The following FAM78B variants were observed in gnomAD, a reference collection of about 807,000 sequenced individuals.
FAM78B encodes protein FAM78B.
Under a neutral mutation model 20.0 loss-of-function variants are expected in FAM78B, and 10 were observed. The ratio of observed to expected loss-of-function variants is 0.50; its 90% CI spans 0.31 to 0.85. The LOEUF (loss-of-function observed/expected upper bound fraction) is 0.85, where lower values mean the gene tolerates loss of function less well. Ranked by LOEUF, FAM78B falls within the 40% of genes least tolerant of loss-of-function variation. The pLI is 0.05. For synonymous variants in FAM78B, 135 were observed against 132.8 expected (o/e 1.02, Z -0.12); for missense variants, 283 against 345.0 (o/e 0.82, Z 1.42).
At chr1:166,144,627 T>G (rs1655395544) in intron 1 of FAM78B, among the ~76,000 whole-genome samples, 1 of 152,154 alleles carries the variant, frequency 6.6e-6, no homozygotes, top group South Asian at 2.1e-4. Context: ...AGGTCCCCAT[T>G]CATCTTAAAC....
intron 1 of FAM78B, among the ~76,000 whole-genome samples, chr1:166,071,612 T>C (rs1404802862): frequency 6.6e-6 from 1 of 152,266 alleles, no homozygotes; most frequent in African/African-American, 2.4e-5. Context: ...GTTACTCTAT[T>C]ACAACCATTG....
chr1:166,109,920 A>G (rs1571171463), intron 1 of FAM78B, among the ~76,000 whole-genome samples: 1 of 108,364 alleles, frequency 9.2e-6, no homozygotes, highest in Admixed American at 9.6e-5. Context: ...ATATATATAT[A>G]ATGGAATACT....
chr1:166,153,800 C>A (rs931863082), intron 1 of FAM78B, among the ~76,000 whole-genome samples: 1 of 152,032 alleles, frequency 6.6e-6, no homozygotes, highest in Non-Finnish European at 1.5e-5. Context: ...GCAGGATGCT[C>A]GGAGGTATAT....
intron 1 of FAM78B, among the ~76,000 whole-genome samples, chr1:166,073,203 A>T (rs932809639): frequency 6.6e-6 from 1 of 152,222 alleles, no homozygotes; most frequent in Admixed American, 6.5e-5. Context: ...ACATCTGGCC[A>T]CATGTAGTCA....
At chr1:166,088,200 C>T (rs546793363) in intron 1 of FAM78B, among the ~76,000 whole-genome samples, 1 of 152,312 alleles carries the variant, frequency 6.6e-6, no homozygotes, top group Admixed American at 6.5e-5. Context: ...AGCTATGCAA[C>T]AGAGGCCTCT....
intron 1 of FAM78B, among the ~76,000 whole-genome samples, chr1:166,102,232 C>T (rs531690593): frequency 2.6e-5 from 4 of 152,224 alleles, no homozygotes; most frequent in African/African-American, 7.2e-5. Context: ...AAGGAACAAC[C>T]GGTAACAGCC....
intron 1 of FAM78B, among the ~76,000 whole-genome samples, chr1:166,092,888 T>C (rs1182432504): frequency 6.6e-6 from 1 of 152,180 alleles, no homozygotes; most frequent in Middle Eastern, 3.2e-3. Flanking sequence ...CCCAACAATG[T>C]TGGTTAGGTG....
At chr1:166,083,754 G>A (rs900832120) in intron 1 of FAM78B, among the ~76,000 whole-genome samples, 5 of 147,698 alleles carry the variant, frequency 3.4e-5, no homozygotes, top group African/African-American at 1.3e-4. Flanking sequence ...CGTCTGCCTC[G>A]GCCTCCCAAA....
At chr1:166,108,016 G>A (rs1057494739) in intron 1 of FAM78B, among the ~76,000 whole-genome samples, 2 of 152,076 alleles carry the variant, frequency 1.3e-5, no homozygotes, top group East Asian at 1.9e-4. Context: ...AACCATCTAC[G>A]ACAAACCCAC....
At chr1:166,156,596 C>T (rs1655905127) in intron 1 of FAM78B, among the ~76,000 whole-genome samples, 1 of 152,198 alleles carries the variant, frequency 6.6e-6, no homozygotes, top group Non-Finnish European at 1.5e-5. Context: ...CTACATGTTT[C>T]ATGATTATTG....
At chr1:166,061,320 G>C (rs995770286) in intron 2 of FAM78B, among the ~76,000 whole-genome samples, 2 of 152,134 alleles carry the variant, frequency 1.3e-5, no homozygotes, top group Non-Finnish European at 2.9e-5. Flanking sequence ...CAAGCATCAG[G>C]CATCCTTCTC....
chr1:166,060,429 C>G, exon 3 of FAM78B: 1 of 415,068 alleles, frequency 2.4e-6, no homozygotes. Flanking sequence ...ATGGGCCAAG[C>G]AGGCAGCCCA....
chr1:166,143,503 A>G (rs997974297), intron 1 of FAM78B, among the ~76,000 whole-genome samples: 2 of 152,152 alleles, frequency 1.3e-5, no homozygotes, highest in Admixed American at 1.3e-4. Flanking sequence ...TTACTTGCTA[A>G]GGCGTGTAAA....
intron 1 of FAM78B, among the ~76,000 whole-genome samples, chr1:166,097,101 C>T (rs1653312065): frequency 6.6e-6 from 1 of 152,162 alleles, no homozygotes; most frequent in Non-Finnish European, 1.5e-5. Flanking sequence ...CACACCCCTG[C>T]CGGAGAAGCT....
At chr1:166,109,838 A>ATATATATATATG in intron 1 of FAM78B, among the ~76,000 whole-genome samples, 1 of 21,188 alleles carries the variant, frequency 4.7e-5, no homozygotes, top group East Asian at 2.4e-3. Flanking sequence ...ATATGTATAT[A>ATATATATATATG]TGTATATATA....
intron 1 of FAM78B, among the ~76,000 whole-genome samples, chr1:166,120,350 T>G (rs1654420491): frequency 6.6e-6 from 1 of 152,182 alleles, no homozygotes; most frequent in Admixed American, 6.5e-5. Flanking sequence ...GTGCTTTCCA[T>G]CACACTGCAC....
chr1:166,068,705 TA>T (rs2101707405), downstream of FAM78B, among the ~76,000 whole-genome samples: 1 of 152,370 alleles, frequency 6.6e-6, no homozygotes, highest in South Asian at 2.1e-4. Context: ...GAAATTAAGC[TA>T]GCAGTGTCTA....
chr1:166,065,220 G>A (rs7553592), downstream of FAM78B, among the ~76,000 whole-genome samples: 150,742 of 152,332 alleles, frequency 0.99, 74,596 homozygotes, highest in Middle Eastern at 1. Flanking sequence ...ACAACGGAGT[G>A]AAGGTCTGGG....
intron 1 of FAM78B, among the ~76,000 whole-genome samples, chr1:166,080,251 T>C (rs1408568253): frequency 6.6e-6 from 1 of 152,176 alleles, no homozygotes; most frequent in East Asian, 1.9e-4. Flanking sequence ...GTTGTTAAAA[T>C]ATTCAAACAT....
Sources: allele counts gnomAD v4.1 joint callset (sites outside exome capture counted in the v4.1 genomes callset), GRCh38; gene constraint gnomAD v4.1.1; transcripts MANE v1.5; gene names NCBI Gene and HGNC (gene_info 2026-07-23, HGNC 2026-07-21).